Variants in DNAJC19 observed in about 807,000 individuals in gnomAD.
DNAJC19 encodes mitochondrial import inner membrane translocase subunit TIM14.
Under a neutral mutation model 19.8 loss-of-function variants are expected in DNAJC19, and 15 were observed. The ratio of observed to expected loss-of-function variants is 0.76; its 90% confidence interval spans 0.51 to 1.17. DNAJC19 has a LOEUF of 1.17. Ranked by LOEUF, DNAJC19 falls within the 50% of genes most tolerant of loss-of-function variation. DNAJC19 has a pLI of 0.00. For synonymous variants in DNAJC19, 38 were observed against 42.1 expected, an observed-to-expected ratio of 0.90 and a Z score of 0.38; for missense variants, 105 against 140.9, an observed-to-expected ratio of 0.75 and a Z score of 1.29.
rs1714885604 is a variant in DNAJC19, at chr3:180,985,996, G to T, written c.210C>A (p.Ser70Arg). The part of the protein sequence containing the change: ...KREAALILGV[S>R]PTANKGKIRD... The stretch of plus-strand genomic sequence containing the variant: ...TTATTTTCCCTTTATTGGCAGTAGG[G>T]CTAATTAAAAAAAGAAATGGTATTT... The change falls in exon 5 of 6, where the codon AGC (serine) becomes AGA (arginine). Residue 70 changes from serine to arginine, a missense_variant and splice_region_variant. Coordinates refer to ENST00000382564, the MANE Select transcript of DNAJC19 (RefSeq NM_145261.4). 3.1e-6 allele frequency: 5 copies of T among 1,611,644 alleles called. No individual in the cohort carries two copies. Among genetic ancestry groups the T allele is most frequent in the Non-Finnish European group, 4.2e-6 (5 of 1,178,772 alleles).
chr3:180,988,821 T>C (rs1715050490), intron 1 of DNAJC19, among the ~76,000 whole-genome samples: 1 of 148,682 alleles, frequency 6.7e-6, no homozygotes, highest in South Asian at 2.2e-4. Context: ...GCTACCATGG[T>C]GAAACCCCGT....
At chr3:180,989,763 G>T, upstream of DNAJC19, 1 of 1,195,622 alleles carries the variant, frequency 8.4e-7, no homozygotes, top group Non-Finnish European at 1.2e-6. Context: ...AACTAGGCCG[G>T]AAAACTGTCG....
chr3:180,985,492 G>A (rs1198998033), intron 5 of DNAJC19: 1 of 183,158 alleles, frequency 5.5e-6, no homozygotes, highest in Non-Finnish European at 1.2e-5. Flanking sequence ...CATGAATTCT[G>A]TGGTCTATTT....
intron 3 of DNAJC19, chr3:180,987,334 T>C (rs1160869729): frequency 2.9e-6 from 1 of 349,074 alleles, no homozygotes; most frequent in South Asian, 3.2e-5. Context: ...AAATTAGCCA[T>C]ATTCTAGATA....
chr3:180,985,985 T>C lies in DNAJC19; in HGVS notation c.221A>G (p.Asn74Ser), dbSNP rs1218208437. The C allele has an allele frequency of 5.0e-6, 8 of 1,613,192 alleles. No homozygotes were observed. The highest frequency in any genetic ancestry group is 1.7e-5 in the Admixed American group (1 of 60,014). The change falls in exon 5 of 6, where the codon AAT becomes AGT. Residue 74 changes from asparagine to serine, a missense_variant. Physicochemically the swap from Asn to Ser is conservative, Grantham distance 46. Coordinates refer to ENST00000382564, the MANE Select transcript of DNAJC19 (RefSeq NM_145261.4). The stretch of plus-strand genomic sequence containing the variant: ...ATGAGCATCTCTTATTTTCCCTTTA[T>C]TGGCAGTAGGGCTAATTAAAAAAAG... ...ALILGVSPTA[N>S]KGKIRDAHRR...
At chr3:180,985,901 C>CA (rs1714877545) in intron 5 of DNAJC19, 25 bp downstream of exon 5, 1 of 1,597,354 alleles carries the variant, frequency 6.3e-7, no homozygotes, top group African/African-American at 1.3e-5. Context: ...CCAACAACAT[C>CA]AACGAGAATT....
At chr3:180,987,808 T>C (rs562706927) in intron 3 of DNAJC19, 5 of 599,684 alleles carry the variant, frequency 8.3e-6, no homozygotes, top group African/African-American at 3.7e-5. Context: ...GGTACTAGAA[T>C]TGTCAAAACC....
chr3:180,985,007 A>G (rs979181207), intron 5 of DNAJC19, among the ~76,000 whole-genome samples: 5 of 152,166 alleles, frequency 3.3e-5, no homozygotes, highest in African/African-American at 1.2e-4. Flanking sequence ...TTAGATATAT[A>G]TGTATATGCC....
intron 4 of DNAJC19, among the ~76,000 whole-genome samples, chr3:180,986,310 C>G (rs1300730676): frequency 1.4e-5 from 2 of 142,608 alleles, no homozygotes; most frequent in Non-Finnish European, 3.0e-5. Flanking sequence ...TTGAGATAGT[C>G]TCACTCTGTC....
intron 4 of DNAJC19, 132 bp from the exon 5 acceptor site, chr3:180,986,128 AACCTC>A (rs2108508124): frequency 1.3e-6 from 1 of 750,112 alleles, no homozygotes; most frequent in Non-Finnish European, 2.3e-6. Flanking sequence ...GCTGTTTAGA[AACCTC>A]AACACACCCA....
At position 180,987,250 on chromosome 3, in the gene DNAJC19, C is replaced by T. The variant is rs997644157; in HGVS notation, c.130-228G>A. 7.2e-6 allele frequency: 4 copies of T among 557,828 alleles called. No homozygotes were observed. The African/African-American group carries it at 7.6e-5, about 11-fold the overall frequency. The allele number at this position is 557,828 out of a possible 1,614,324, so 34.6% of individuals were successfully genotyped here. On this transcript the variant is annotated intron_variant, in intron 3 of 5. Transcript: ENST00000382564. ...TTCATTTTTTTCCAGTCAATATGAA[C>T]TATCTTAGAAATATAAGACAAAATA... is the stretch of plus-strand genomic sequence containing the variant.
intron 3 of DNAJC19, chr3:180,987,512 T>A (rs1448631875): frequency 7.9e-6 from 2 of 254,566 alleles, no homozygotes; most frequent in African/African-American, 4.5e-5. Context: ...TCTATTCTGT[T>A]ACACTTAATC....
Position 180,989,604 on chromosome 3 carries a change from G to C in DNAJC19, c.-2C>G. On this transcript the variant is annotated 5_prime_UTR_variant, in exon 1 of 6. Coordinates refer to ENST00000382564, the MANE Select transcript of DNAJC19 (RefSeq NM_145261.4). ...AGACCGGAAGGCCGCACTCACCATGGCTCCGGCTGGGCTCCCTTGCTTCCA... is the reference window on the plus strand; with the variant it reads ...AGACCGGAAGGCCGCACTCACCATGCCTCCGGCTGGGCTCCCTTGCTTCCA... 6.3e-7 allele frequency: 1 copy of C among 1,587,512 alleles called. No individual in the cohort carries two copies.
chr3:180,988,118 T>G (rs1715004062), intron 2 of DNAJC19, 22 bp from the exon 3 acceptor site: 2 of 1,613,972 alleles, frequency 1.2e-6, no homozygotes, highest in Non-Finnish European at 1.7e-6. Flanking sequence ...AGCAACAGAA[T>G]AAGTAAACTA....
At chr3:180,984,767 TA>T in intron 5 of DNAJC19, 57 bp from the exon 6 acceptor site, 1 of 1,302,564 alleles carries the variant, frequency 7.7e-7, no homozygotes, top group Non-Finnish European at 1.1e-6. Context: ...TTCTGCTTGG[TA>T]AAAAGCTACT....
chr3:180,989,599 C>A lies in DNAJC19; in HGVS notation c.3+1G>T. 1 of 1,587,466 alleles carries A rather than the reference C, an allele frequency of 6.3e-7. No individual in the cohort carries two copies. Among genetic ancestry groups the A allele is most frequent in the Non-Finnish European group, 8.6e-7 (1 of 1,167,030 alleles). ...CAAGAAGACCGGAAGGCCGCACTCA[C>A]CATGGCTCCGGCTGGGCTCCCTTGC... On this transcript the variant is annotated splice_donor_variant, in intron 1 of 5. Coordinates refer to ENST00000382564, the MANE Select transcript of DNAJC19 (RefSeq NM_145261.4). LOFTEE classifies it high-confidence loss of function.
Position 180,984,548 on chromosome 3 carries a change from T to C in DNAJC19, c.*92A>G. The C allele has an allele frequency of 1.1e-6, 1 of 870,676 alleles. No homozygotes were observed. The highest frequency in any genetic ancestry group is 2.3e-5 in the Admixed American group (1 of 44,440). 53.9% of individuals were successfully genotyped at this position (870,676 alleles called of 1,614,324 possible). ...AGATTTAGCTTGTGCTAAATCATTTTTTAAAATTGTAGCTCTGAGGCATTT... is the reference window on the plus strand; with the variant it reads ...AGATTTAGCTTGTGCTAAATCATTTCTTAAAATTGTAGCTCTGAGGCATTT... On this transcript the variant is annotated 3_prime_UTR_variant, in exon 6 of 6. Coordinates refer to ENST00000382564, the MANE Select transcript of DNAJC19 (RefSeq NM_145261.4).
At chr3:180,988,526 G>A (rs1046319552) in intron 1 of DNAJC19, among the ~76,000 whole-genome samples, 1 of 151,882 alleles carries the variant, frequency 6.6e-6, no homozygotes, top group Non-Finnish European at 1.5e-5. Flanking sequence ...ATTCTGTCCA[G>A]TAATCTTTAA....
At position 180,983,988 on chromosome 3, in the gene DNAJC19, A is replaced by C. The variant is rs1453559324; in HGVS notation, c.*652T>G. The stretch of plus-strand genomic sequence containing the variant: ...TGAGGCGGGAGGACTGCTTAAACCC[A>C]GGAGGTTGAGGCTGCAATGAACTGT... On this transcript the variant is annotated 3_prime_UTR_variant, in exon 6 of 6. Transcript: ENST00000382564. The C allele has an allele frequency of 8.8e-6, 4 of 453,940 alleles. No homozygotes were observed. Among genetic ancestry groups the C allele is most frequent in the South Asian group, 6.2e-5 (4 of 64,470 alleles). The allele number at this position is 453,940 out of a possible 1,614,324, so 28.1% of individuals were successfully genotyped here.
Sources: allele counts gnomAD v4.1 joint callset (sites outside exome capture counted in the v4.1 genomes callset), GRCh38; gene constraint gnomAD v4.1.1; transcripts MANE v1.5; gene names NCBI Gene and HGNC (gene_info 2026-07-23, HGNC 2026-07-21).